The following PRSS23 variants were observed in gnomAD, a reference collection of about 807,000 sequenced individuals.
PRSS23 encodes serine protease 23.
A neutral mutation model predicts 34.7 loss-of-function variants in PRSS23; 25 were observed. The observed-to-expected ratio is 0.72, with a 90% CI of 0.53 to 1.01. The LOEUF (loss-of-function observed/expected upper bound fraction) is 1.01, where lower values mean the gene tolerates loss of function less well. Ranked by LOEUF, PRSS23 falls within the 50% of genes least tolerant of loss-of-function variation. The pLI, the probability that PRSS23 is intolerant of heterozygous loss-of-function variation, is 0.00. For synonymous variants in PRSS23, 176 were observed against 186.6 expected (o/e 0.94, Z 0.46); for missense variants, 445 against 475.6 (o/e 0.94, Z 0.60).
intron 2 of PRSS23, chr11:86,857,835 G>A: frequency 1.7e-6 from 1 of 592,770 alleles, no homozygotes; most frequent in Admixed American, 2.0e-5. Flanking sequence ...AGAGGAAGAA[G>A]TACATGGGGG....
chr11:86,877,727 CTG>C (rs978982406), intron 2 of PRSS23, among the ~76,000 whole-genome samples: 1 of 152,046 alleles, frequency 6.6e-6, no homozygotes, highest in African/African-American at 2.4e-5. Flanking sequence ...GTCTTGATAA[CTG>C]TACTGTTTTA....
At position 86,951,169 on chromosome 11, in the gene PRSS23, A is replaced by G. The variant is rs1203971011; in HGVS notation, c.207-47A>G. 1 of 1,614,114 alleles carries G rather than the reference A, an allele frequency of 6.2e-7. No homozygotes were observed. On this transcript the variant is annotated intron_variant, in intron 2 of 2. Coordinates refer to the PRSS23 transcript ENST00000533902. ...ATACCACAGTCTCACTGCCTTTTCC[A>G]GGCTTCACCCAACCATTTCCTCTCT...
At chr11:86,860,402 G>A (rs1035243211) in intron 2 of PRSS23, among the ~76,000 whole-genome samples, 1 of 151,788 alleles carries the variant, frequency 6.6e-6, no homozygotes, top group African/African-American at 2.4e-5. Flanking sequence ...ATATCCAGGG[G>A]GTGAGAGGAT....
At chr11:86,907,518 G>A (rs1468729220) in intron 2 of PRSS23, among the ~76,000 whole-genome samples, 1 of 152,026 alleles carries the variant, frequency 6.6e-6, no homozygotes, top group African/African-American at 2.4e-5. Context: ...CCAGGCTAGA[G>A]CACACTGTGC....
chr11:86,916,213 G>T (rs777109315), intron 2 of PRSS23, among the ~76,000 whole-genome samples: 1 of 152,144 alleles, frequency 6.6e-6, no homozygotes, highest in Non-Finnish European at 1.5e-5. Flanking sequence ...TAGACTGAGA[G>T]ATTTTGGTTT....
At chr11:86,917,545 T>C (rs1949021661) in intron 2 of PRSS23, among the ~76,000 whole-genome samples, 1 of 152,224 alleles carries the variant, frequency 6.6e-6, no homozygotes, top group African/African-American at 2.4e-5. Context: ...TTAGGTCAAG[T>C]GCTTAGCACA....
intron 1 of PRSS23, among the ~76,000 whole-genome samples, chr11:86,820,776 A>G (rs1262506108): frequency 2.3e-4 from 35 of 152,188 alleles, no homozygotes. Flanking sequence ...CTCTTTAGTA[A>G]AGGGCTTGTG....
chr11:86,938,583 G>C (rs932723612), intron 2 of PRSS23, among the ~76,000 whole-genome samples: 2 of 152,166 alleles, frequency 1.3e-5, no homozygotes, highest in African/African-American at 2.4e-5. Context: ...GAAGAGAGGG[G>C]AAGAGCCAGA....
intron 2 of PRSS23, among the ~76,000 whole-genome samples, chr11:86,927,042 C>A (rs1949086301): frequency 6.6e-6 from 1 of 152,140 alleles, no homozygotes; most frequent in South Asian, 2.1e-4. Flanking sequence ...ACCCCCACTT[C>A]CCAGATCAAG....
At chr11:86,858,692 A>T (rs1248659227) in intron 2 of PRSS23, among the ~76,000 whole-genome samples, 1 of 149,536 alleles carries the variant, frequency 6.7e-6, no homozygotes, top group Non-Finnish European at 1.5e-5. Context: ...CGACAGGATG[A>T]TATTACTCCC....
At chr11:86,805,728 G>A (rs1003553171) in intron 1 of PRSS23, among the ~76,000 whole-genome samples, 1 of 152,174 alleles carries the variant, frequency 6.6e-6, no homozygotes, top group Non-Finnish European at 1.5e-5. Context: ...GAAACACAGT[G>A]TGGATATTGG....
chr11:86,939,426 A>ATATATATATATATATATATTTT lies in PRSS23; in HGVS notation c.207-11789_207-11788insATATATATATATATATATTTTT. ...AAAATATATATATATATATATATAT[A>ATATATATATATATATATATTTT]TTTTTTAACATGAGTAAAAATTGCA... On this transcript the variant is annotated intron_variant, in intron 2 of 2. Transcript: ENST00000533902. 2.8e-4 allele frequency among the ~76,000 whole-genome samples: 26 copies of ATATATATATATATATATATTTT among 94,072 alleles called. 2 individuals carry two copies. Among genetic ancestry groups the ATATATATATATATATATATTTT allele is most frequent in the Non-Finnish European group, 1.4e-4 (6 of 43,168 alleles). 61.7% of individuals were successfully genotyped at this position (94,072 alleles called of 152,430 possible).
At chr11:86,825,015 A>G (rs1055707527) in intron 2 of PRSS23, among the ~76,000 whole-genome samples, 16 of 152,252 alleles carry the variant, frequency 1.1e-4, no homozygotes, top group Non-Finnish European at 1.8e-4. Context: ...TGGCTGGGTC[A>G]AATGGTATTT....
At chr11:86,853,798 C>A (rs1053361283) in intron 2 of PRSS23, among the ~76,000 whole-genome samples, 1 of 152,146 alleles carries the variant, frequency 6.6e-6, no homozygotes, top group Non-Finnish European at 1.5e-5. Context: ...TTTTCAAATA[C>A]ACTCCATACT....
intron 2 of PRSS23, among the ~76,000 whole-genome samples, chr11:86,860,472 G>T (rs986831077): frequency 4.0e-5 from 6 of 151,312 alleles, no homozygotes; most frequent in African/African-American, 1.5e-4. Context: ...CTAATATCAA[G>T]GGGGGAGAAG....
chr11:86,858,253 T>C lies in PRSS23; in HGVS notation c.206+34660T>C, dbSNP rs148341349. On this transcript the variant is annotated intron_variant, in intron 2 of 2. Coordinates refer to the PRSS23 transcript ENST00000533902. ...GTAGAGAGCATAATATTACCTCCAA[T>C]ATCGCACGGAATTTACACCACCCCT... 4.4e-3 allele frequency among the ~76,000 whole-genome samples: 673 copies of C among 152,146 alleles called. 4 individuals carry two copies. Among genetic ancestry groups the C allele is most frequent in the Non-Finnish European group, 6.5e-3 (444 of 67,966 alleles).
intron 2 of PRSS23, among the ~76,000 whole-genome samples, chr11:86,830,689 C>T (rs1484183578): frequency 4.6e-5 from 7 of 152,176 alleles, no homozygotes; most frequent in Non-Finnish European, 7.4e-5. Context: ...AGGGGCTATA[C>T]ACCCCGTAAT....
At chr11:86,921,654 G>C (rs1481986189) in intron 2 of PRSS23, 1 of 152,136 alleles carries the variant, frequency 6.6e-6, no homozygotes, top group Non-Finnish European at 1.5e-5. Context: ...AAATCCCACC[G>C]ATGATCTGAA....
chr11:86,854,399 A>G (rs906726210), intron 2 of PRSS23, among the ~76,000 whole-genome samples: 2 of 152,148 alleles, frequency 1.3e-5, no homozygotes, highest in Non-Finnish European at 2.9e-5. Flanking sequence ...TTCTTTGTAT[A>G]TTATGGATAA....
Sources: gnomAD v4.1 joint callset for allele counts (sites outside exome capture counted in the v4.1 genomes callset) on GRCh38, gnomAD v4.1.1 for gene constraint, MANE v1.5 for transcripts, NCBI Gene and HGNC (gene_info 2026-07-23, HGNC 2026-07-21) for gene names.